Variants in AFF3 observed in about 807,000 individuals in gnomAD.
AFF3 encodes the protein AF4/FMR2 family member 3.
AFF3 carries 32 observed loss-of-function variants against 129.7 expected under a neutral mutation model. That is an observed-to-expected ratio of 0.25 (90% CI 0.19 to 0.33). The LOEUF (loss-of-function observed/expected upper bound fraction) is 0.33. AFF3 is among the 10% of genes least tolerant of loss of function. The pLI is 1.00. For synonymous variants in AFF3, 644 were observed against 635.4 expected, an observed-to-expected ratio of 1.01 and a Z score of -0.20; for missense variants, 1,373 against 1,592.0, an observed-to-expected ratio of 0.86 and a Z score of 2.34.
At chr2:99,620,712 T>TG (rs1229929217) in intron 13 of AFF3, among the ~76,000 whole-genome samples, 1 of 152,184 alleles carries the variant, frequency 6.6e-6, no homozygotes, top group Non-Finnish European at 1.5e-5. Flanking sequence ...GCTGCATTGT[T>TG]GGAGGTGGGG....
chr2:99,929,807 C>G (rs1440664898), intron 7 of AFF3, among the ~76,000 whole-genome samples: 2 of 151,934 alleles, frequency 1.3e-5, no homozygotes, highest in Non-Finnish European at 2.9e-5. Context: ...ACTGAAGAGG[C>G]TAGAATGCCA....
chr2:99,642,854 C>T (rs1252537394), intron 13 of AFF3, among the ~76,000 whole-genome samples: 1 of 152,040 alleles, frequency 6.6e-6, no homozygotes, highest in Non-Finnish European at 1.5e-5. Context: ...AAATGGGCCC[C>T]ATCTATCTTT....
intron 20 of AFF3, among the ~76,000 whole-genome samples, chr2:99,562,276 C>G (rs1006128075): frequency 2.0e-5 from 3 of 152,348 alleles, no homozygotes; most frequent in South Asian, 2.1e-4. Context: ...TTCCTCTCCT[C>G]TGAGACTTCC....
At chr2:99,652,004 A>T (rs1685300511) in intron 12 of AFF3, among the ~76,000 whole-genome samples, 1 of 152,190 alleles carries the variant, frequency 6.6e-6, no homozygotes, top group South Asian at 2.1e-4. Context: ...AATAACATGG[A>T]CATGAAAGAT....
intron 2 of AFF3, among the ~76,000 whole-genome samples, chr2:100,108,935 T>TTA (rs1490248503): frequency 8.9e-5 from 11 of 124,222 alleles, no homozygotes; most frequent in Non-Finnish European, 1.4e-4. Flanking sequence ...TTTTTTTTTT[T>TTA]AACAAAACCA....
intron 8 of AFF3, among the ~76,000 whole-genome samples, chr2:99,790,466 C>T (rs1260988005): frequency 6.6e-6 from 1 of 152,140 alleles, no homozygotes; most frequent in African/African-American, 2.4e-5. Flanking sequence ...GCAAAGGAAC[C>T]CTGAGCTGTA....
intron 11 of AFF3, among the ~76,000 whole-genome samples, chr2:99,700,134 T>A (rs1347205344): frequency 2.0e-5 from 3 of 152,212 alleles, no homozygotes; most frequent in African/African-American, 7.2e-5. Flanking sequence ...TTTTTTTTTT[T>A]TTTTGAGACG....
chr2:99,611,525 G>C (rs1680918763), intron 13 of AFF3, among the ~76,000 whole-genome samples: 1 of 152,126 alleles, frequency 6.6e-6, no homozygotes, highest in Non-Finnish European at 1.5e-5. Flanking sequence ...TCCCCACTCA[G>C]GCTTTGCTGA....
intron 15 of AFF3, 51 bp from the exon 16 acceptor site, chr2:99,587,329 A>C (rs534170393): frequency 6.2e-7 from 1 of 1,606,390 alleles, no homozygotes; most frequent in African/African-American, 1.3e-5. Flanking sequence ...AAGAGGTATT[A>C]TGAGTTCCCA....
At chr2:100,001,505 C>G (rs72955712) in intron 7 of AFF3, among the ~76,000 whole-genome samples, 1,853 of 152,294 alleles carry the variant, frequency 0.012, 30 homozygotes, top group African/African-American at 0.042. Flanking sequence ...CTCGTCTCAC[C>G]GCAATTTCTG....
At chr2:100,123,691 T>A (rs1264176494) in intron 2 of AFF3, among the ~76,000 whole-genome samples, 2 of 152,150 alleles carry the variant, frequency 1.3e-5, no homozygotes, top group Non-Finnish European at 2.9e-5. Flanking sequence ...CATCCTACCC[T>A]GAAGCAAAAT....
intron 4 of AFF3, among the ~76,000 whole-genome samples, chr2:100,063,795 G>A (rs2105251847): frequency 6.6e-6 from 1 of 152,092 alleles, no homozygotes; most frequent in East Asian, 1.9e-4. Context: ...CAGGGTAAAT[G>A]AAAAGAAATT....
chr2:99,805,843 C>CAT (rs1205641879), intron 8 of AFF3, among the ~76,000 whole-genome samples: 2 of 151,812 alleles, frequency 1.3e-5, no homozygotes, highest in Middle Eastern at 3.2e-3. Context: ...CACACACACA[C>CAT]ACACACACGA....
intron 8 of AFF3, among the ~76,000 whole-genome samples, chr2:99,829,210 C>A (rs1399680206): frequency 6.6e-6 from 1 of 152,144 alleles, no homozygotes; most frequent in Non-Finnish European, 1.5e-5. Flanking sequence ...AAATACCATT[C>A]AGGACATAGG....
At chr2:99,941,602 C>T (rs977637552) in intron 7 of AFF3, among the ~76,000 whole-genome samples, 17 of 152,214 alleles carry the variant, frequency 1.1e-4, no homozygotes, top group African/African-American at 4.1e-4. Flanking sequence ...TGTGACTACA[C>T]ATGGGACTAA....
intron 4 of AFF3, among the ~76,000 whole-genome samples, chr2:100,074,259 C>T (rs541173248): frequency 6.6e-6 from 1 of 152,308 alleles, no homozygotes; most frequent in East Asian, 1.9e-4. Flanking sequence ...CTGGACTTTT[C>T]TGCCTCCTGG....
intron 7 of AFF3, among the ~76,000 whole-genome samples, chr2:99,896,620 CTT>C (rs35573862): frequency 5.3e-4 from 19 of 36,064 alleles, no homozygotes; most frequent in South Asian, 1.6e-3. Flanking sequence ...TGTCAAAATG[CTT>C]TTTTTTTTTT....
intron 4 of AFF3, among the ~76,000 whole-genome samples, chr2:100,069,326 C>G (rs746772912): frequency 2.6e-5 from 4 of 152,130 alleles, no homozygotes; most frequent in Non-Finnish European, 5.9e-5. Context: ...ATCTTACCCT[C>G]CAGAGGGGGG....
chr2:99,683,265 C>A (rs1308342778), intron 11 of AFF3, among the ~76,000 whole-genome samples: 1 of 152,094 alleles, frequency 6.6e-6, no homozygotes, highest in Admixed American at 6.5e-5. Context: ...GTTTCCTCAT[C>A]TGTAAAATGG....
Sources: gnomAD v4.1 joint callset for allele counts (sites outside exome capture counted in the v4.1 genomes callset) on GRCh38, gnomAD v4.1.1 for gene constraint, MANE v1.5 for transcripts, NCBI Gene and HGNC (gene_info 2026-07-23, HGNC 2026-07-21) for gene names.